The following ASB2 variants were observed in gnomAD, a reference collection of about 807,000 sequenced individuals.
The protein encoded by ASB2 is ankyrin repeat and SOCS box containing 2, also known as ankyrin repeat and SOCS box protein 2.
In ASB2, 58 loss-of-function variants were observed where a neutral mutation model predicts 62.4. The ratio of observed to expected loss-of-function variants is 0.93; its 90% confidence interval spans 0.75 to 1.16. The LOEUF (loss-of-function observed/expected upper bound fraction) is 1.16. ASB2 is among the 50% of genes most tolerant of loss of function. The pLI, the probability that ASB2 is intolerant of heterozygous loss-of-function variation, is 0.00. For missense variants in ASB2, 928 were observed against 887.9 expected (o/e 1.05, Z -0.57); for synonymous variants, 386 against 385.3 (o/e 1.00, Z -0.02).
Position 93,964,434 on chromosome 14 carries a change from C to T in ASB2, c.106G>A (p.Glu36Lys), listed in dbSNP as rs1043588383. 10 of 1,535,946 alleles carry T rather than the reference C, an allele frequency of 6.5e-6. No individual in the cohort carries two copies. Among genetic ancestry groups the T allele is most frequent in the Non-Finnish European group, 4.4e-6 (5 of 1,146,898 alleles). The change falls in exon 2 of 10, where the codon GAG (glutamate) becomes AAG (lysine). Residue 36 changes from glutamate to lysine, a missense_variant. Physicochemically the swap from Glu to Lys is moderately conservative, Grantham distance 56 (BLOSUM62 1). Coordinates refer to ENST00000555019, the MANE Select transcript of ASB2 (RefSeq NM_001202429.2). ...CTTGTCTTGTCCGCTAGGCTCTGCT[C>T]GATGGCCATCTGCACCAGTTCATCC... is the stretch of plus-strand genomic sequence containing the variant. ...SEDELVQMAI[E>K]QSLADKTRGP...
rs768365251 is a variant in ASB2 at position 93,953,544 on chromosome 14, A to G, written c.479-37T>C. 3 of 1,532,478 alleles carry G rather than the reference A, an allele frequency of 2.0e-6. No homozygotes were observed. The South Asian group carries it at 3.6e-5, about 18-fold the overall frequency. The allele number at this position is 1,532,478 out of a possible 1,614,324, so 94.9% of individuals were successfully genotyped here. A position where few individuals can be genotyped will look rare whatever the true frequency, so the allele number is the denominator to read the frequency against. Reference sequence around the variant, plus strand: ...CCACCGGGAAATTCATGTAGGAGAAAGATACTCAGCCCCGCAACACAGAGG... The same window carrying G: ...CCACCGGGAAATTCATGTAGGAGAAGGATACTCAGCCCCGCAACACAGAGG... On this transcript the variant is annotated intron_variant, in intron 4 of 9. Transcript: ENST00000555019.
intron 5 of ASB2, among the ~76,000 whole-genome samples, chr14:93,952,373 G>A (rs1256043148): frequency 1.3e-5 from 2 of 152,200 alleles, no homozygotes; most frequent in African/African-American, 2.4e-5. Context: ...TGGCAGGCAC[G>A]GATTCCAGGG....
At chr14:93,943,297 G>A (rs1208501039) in intron 7 of ASB2, among the ~76,000 whole-genome samples, 5 of 152,188 alleles carry the variant, frequency 3.3e-5, no homozygotes, top group Non-Finnish European at 5.9e-5. Context: ...AAACACAGAG[G>A]CATTCTGGAT....
rs201010176 is a variant in ASB2, at chr14:93,956,797, T to C, written c.280A>G (p.Ser94Gly). The C allele has an allele frequency of 4.3e-6, 7 of 1,614,210 alleles. No homozygotes were observed. The Admixed American group carries it at 1.2e-4, about 27-fold the overall frequency. The change falls in exon 3 of 10, where the codon AGC becomes GGC. Residue 94 changes from serine to glycine, a missense_variant. Transcript: ENST00000555019. ...GLFQGVMQKY[S>G]SSLFKTSQLA... ...TGGGAGGTCTTGAACAAGCTGCTGCTGTATTTCTGCATGACCCCTTGGAAC... is the reference window on the plus strand; with the variant it reads ...TGGGAGGTCTTGAACAAGCTGCTGCCGTATTTCTGCATGACCCCTTGGAAC...
intron 3 of ASB2, chr14:93,955,281 C>T: frequency 2.5e-6 from 1 of 405,902 alleles, no homozygotes; most frequent in East Asian, 7.2e-5. Flanking sequence ...TGGGCGGTCT[C>T]TGCCACCAGC....
At chr14:93,953,648 G>A in intron 4 of ASB2, 141 bp from the exon 5 acceptor site, 1 of 734,086 alleles carries the variant, frequency 1.4e-6, no homozygotes, top group Non-Finnish European at 2.0e-6. Flanking sequence ...GCATTCATCT[G>A]GCCCTTTCAC....
At chr14:93,975,365 C>A (rs1009227343) in intron 1 of ASB2, among the ~76,000 whole-genome samples, 1 of 152,180 alleles carries the variant, frequency 6.6e-6, no homozygotes, top group African/African-American at 2.4e-5. Flanking sequence ...CCACCGAAGC[C>A]AAATCTCACA....
At chr14:93,975,125 G>A (rs1200410055) in intron 1 of ASB2, among the ~76,000 whole-genome samples, 1 of 152,264 alleles carries the variant, frequency 6.6e-6, no homozygotes, top group African/African-American at 2.4e-5. Context: ...CCAGGCAGAG[G>A]TCAGGGCTGT....
rs756339494 is a variant in ASB2, at chr14:93,951,089, C to G, written c.790G>C (p.Val264Leu). Residue 264 changes from valine (V) to leucine (L), a missense_variant, in exon 6 of 10, where the codon GTG (valine) becomes CTG (leucine). Transcript: ENST00000555019. ...MQILVSGGAKVESKNAYGITP... is the reference protein window; with the variant it reads ...MQILVSGGAKLESKNAYGITP... ...ATGCCGTAGGCGTTCTTGGATTCCA[C>G]CTTGGCTCCTCCGCTCACCAGGATC... 35 of 1,614,118 alleles carry G rather than the reference C, an allele frequency of 2.2e-5. No individual in the cohort carries two copies. Among genetic ancestry groups the G allele is most frequent in the Non-Finnish European group, 2.9e-5 (34 of 1,180,064 alleles).
intron 8 of ASB2, 44 bp from the exon 9 acceptor site, chr14:93,937,895 C>T (rs1888333524): frequency 6.4e-7 from 1 of 1,552,884 alleles, no homozygotes; most frequent in Non-Finnish European, 8.8e-7. Context: ...TTCATCCCAC[C>T]TGCAAGAGCC....
intron 2 of ASB2, among the ~76,000 whole-genome samples, chr14:93,957,713 G>C (rs1344733843): frequency 6.6e-6 from 1 of 152,172 alleles, no homozygotes; most frequent in Non-Finnish European, 1.5e-5. Flanking sequence ...GCCTCTCTAG[G>C]CCTCAGTTTT....
Position 93,934,447 on chromosome 14 carries a change from T to C in ASB2, c.*209A>G, listed in dbSNP as rs368105566. On this transcript the variant is annotated 3_prime_UTR_variant, in exon 10 of 10. Transcript: ENST00000555019. ...ATCTGCTCATCAGTTTGTAAACAAA[T>C]GATTCTTCTCCTTGACACATTCTGT... 21 of 580,836 alleles carry C rather than the reference T, an allele frequency of 3.6e-5. No individual in the cohort carries two copies. The East Asian group carries it at 6.1e-4, about 17-fold the overall frequency. 36.0% of individuals were successfully genotyped at this position (580,836 alleles called of 1,614,324 possible).
chr14:93,944,914 C>T (rs1888665386), intron 7 of ASB2, among the ~76,000 whole-genome samples: 3 of 152,240 alleles, frequency 2.0e-5, no homozygotes, highest in Non-Finnish European at 4.4e-5. Context: ...CTGCCAACAC[C>T]TCTGGGTTCA....
At chr14:93,938,483 G>A (rs1011046802) in intron 8 of ASB2, among the ~76,000 whole-genome samples, 1 of 152,010 alleles carries the variant, frequency 6.6e-6, no homozygotes, top group African/African-American at 2.4e-5. Context: ...CTCGTGATCC[G>A]CCGGCCTCGG....
chr14:93,939,735 C>T, intron 7 of ASB2, 63 bp from the exon 8 acceptor site: 1 of 1,274,188 alleles, frequency 7.8e-7, no homozygotes, highest in Non-Finnish European at 1.0e-6. Context: ...GTAGGGCCGG[C>T]CCCGCCAGCA....
chr14:93,972,797 A>G (rs1490574961), intron 1 of ASB2, among the ~76,000 whole-genome samples: 1 of 152,204 alleles, frequency 6.6e-6, no homozygotes, highest in Non-Finnish European at 1.5e-5. Context: ...GCCTTTGGCC[A>G]TGGGGGCAGT....
In ASB2 at chr14:93,971,900, A is replaced by ATG. The variant is rs558102759; in HGVS notation, c.-74+4532_-74+4533dup. Among the ~76,000 whole-genome samples the ATG allele has an allele frequency of 5.1e-3, 770 of 151,482 alleles. 31 individuals carry two copies. Among genetic ancestry groups the ATG allele is most frequent in the Admixed American group, 0.04 (612 of 15,188 alleles). Reference sequence around the variant, plus strand: ...GAAGGCCAGAATCAAACTGAAGACTATGTGTGTGTGTGTATGTGTGTTCAT... The same window carrying ATG: ...GAAGGCCAGAATCAAACTGAAGACTATGTGTGTGTGTGTGTATGTGTGTTCAT... On this transcript the variant is annotated intron_variant, in intron 1 of 9. Transcript: ENST00000555019.
chr14:93,961,441 C>A (rs1011365089), intron 2 of ASB2, among the ~76,000 whole-genome samples: 1 of 152,180 alleles, frequency 6.6e-6, no homozygotes, highest in Admixed American at 6.5e-5. Context: ...TCAGACACAG[C>A]GCTTCACTGG....
chr14:93,955,047 A>C, intron 3 of ASB2: 2 of 456,876 alleles, frequency 4.4e-6, no homozygotes, highest in Admixed American at 4.7e-5. Flanking sequence ...TTGGCTTGTT[A>C]AAGTCCCTTT....
Sources: allele counts gnomAD v4.1 joint callset (sites outside exome capture counted in the v4.1 genomes callset), GRCh38; gene constraint gnomAD v4.1.1; transcripts MANE v1.5; gene names NCBI Gene and HGNC (gene_info 2026-07-23, HGNC 2026-07-21).